Variants in GABBR2 observed in about 807,000 individuals in gnomAD.
GABBR2 encodes gamma-aminobutyric acid type B receptor subunit 2.
In GABBR2, 23 loss-of-function variants were observed where a neutral mutation model predicts 105.6. That is an observed-to-expected ratio of 0.22 (90% CI 0.16 to 0.31). The LOEUF (loss-of-function observed/expected upper bound fraction) is 0.31, where lower values mean the gene tolerates loss of function less well. Among genes scored for constraint, GABBR2 ranks in the 10% least tolerant of loss-of-function variants. The pLI is 1.00. For synonymous variants in GABBR2, 478 were observed against 499.7 expected, an observed-to-expected ratio of 0.96 and a Z score of 0.58; for missense variants, 734 against 1,245.5, an observed-to-expected ratio of 0.59 and a Z score of 6.18.
At chr9:98,482,401 G>A (rs1564087298) in intron 4 of GABBR2, among the ~76,000 whole-genome samples, 1 of 152,190 alleles carries the variant, frequency 6.6e-6, no homozygotes, top group Non-Finnish European at 1.5e-5. Context: ...TGGAAGGAAG[G>A]CAAGCCTTTG....
intron 2 of GABBR2, among the ~76,000 whole-genome samples, chr9:98,554,578 C>T (rs978183667): frequency 3.3e-5 from 5 of 152,072 alleles, no homozygotes; most frequent in Admixed American, 2.6e-4. Context: ...TACATAAGCA[C>T]GTTAGATACT....
chr9:98,625,155 G>C (rs940375090), intron 1 of GABBR2, among the ~76,000 whole-genome samples: 1 of 152,164 alleles, frequency 6.6e-6, no homozygotes, highest in East Asian at 1.9e-4. Context: ...CCCACAAAGG[G>C]GGCTATAACC....
chr9:98,361,609 G>A (rs773701025), intron 13 of GABBR2, among the ~76,000 whole-genome samples: 23 of 152,142 alleles, frequency 1.5e-4, no homozygotes, highest in South Asian at 4.1e-4. Flanking sequence ...ATGTCCCCCC[G>A]TCCAAAAATA....
intron 7 of GABBR2, among the ~76,000 whole-genome samples, chr9:98,441,302 A>T (rs1314342842): frequency 6.7e-6 from 1 of 149,220 alleles, no homozygotes; most frequent in Admixed American, 6.8e-5. Flanking sequence ...GCTAAATAAA[A>T]TAAGCTCTCC....
rs35672692 is a variant in GABBR2 at position 98,289,636 on chromosome 9, GAA to G, written c.*946_*947del. 0.058 allele frequency: 8,202 copies of G among 142,472 alleles called. 346 individuals carry two copies. Among genetic ancestry groups the G allele is most frequent in the Middle Eastern group, 0.1 (28 of 274 alleles). 8.8% of individuals were successfully genotyped at this position (142,472 alleles called of 1,614,324 possible). ...CTTTGGTCAGAAACAAAGTTAGTGG[GAA>G]AAAAAAAAAAAAAATCCCAGCCAGC... is the stretch of plus-strand genomic sequence containing the variant. On this transcript the variant is annotated 3_prime_UTR_variant, in exon 19 of 19. Transcript: ENST00000259455.
At chr9:98,675,748 C>T (rs1830469117) in intron 1 of GABBR2, among the ~76,000 whole-genome samples, 1 of 152,130 alleles carries the variant, frequency 6.6e-6, no homozygotes, top group African/African-American at 2.4e-5. Flanking sequence ...TAAAGATCAG[C>T]ACTGGATATC....
intron 13 of GABBR2, among the ~76,000 whole-genome samples, chr9:98,360,790 G>A (rs1051511189): frequency 6.6e-6 from 1 of 152,174 alleles, no homozygotes; most frequent in African/African-American, 2.4e-5. Context: ...CACTTCCAGA[G>A]TCTGTTGACT....
chr9:98,503,274 A>T (rs1387805572), intron 3 of GABBR2, among the ~76,000 whole-genome samples: 3 of 152,152 alleles, frequency 2.0e-5, no homozygotes, highest in Admixed American at 6.5e-5. Context: ...CTTAATGCAG[A>T]GCCTAAAGCA....
Position 98,418,460 on chromosome 9 carries a change from A to C in GABBR2, c.1237-12319T>G, listed in dbSNP as rs551846880. Among the ~76,000 whole-genome samples the C allele has an allele frequency of 3.3e-4, 50 of 152,236 alleles. No individual in the cohort carries two copies. In the South Asian group the frequency reaches 9.2e-3, roughly 28 times the overall value. On this transcript the variant is annotated intron_variant, in intron 7 of 18. Transcript: ENST00000259455. ...TGAGGTGAGAGGATTGTTTAAGCCTAGGAGGTCAGGGCTGCAGTGAGCTAT... is the reference window on the plus strand; with the variant it reads ...TGAGGTGAGAGGATTGTTTAAGCCTCGGAGGTCAGGGCTGCAGTGAGCTAT...
In GABBR2 at chr9:98,473,264, T is replaced by C. The variant is rs753441586; in HGVS notation, c.881A>G (p.His294Arg). 6.2e-6 allele frequency: 10 copies of C among 1,613,422 alleles called. No individual in the cohort carries two copies. The East Asian group carries it at 2.2e-4, about 36-fold the overall frequency. ...GCAGCGGGATGAGTTGGCTTCCGTGTGCACCTGCTCCCACCAAGAAGGCTC... is the reference window on the plus strand; with the variant it reads ...GCAGCGGGATGAGTTGGCTTCCGTGCGCACCTGCTCCCACCAAGAAGGCTC... ...WYEPSWWEQV[H>R]TEANSSRCLR... The change falls in exon 6 of 19, where the codon CAC becomes CGC. Residue 294 changes from histidine (H) to arginine (R), a missense_variant. Coordinates refer to ENST00000259455, the MANE Select transcript of GABBR2 (RefSeq NM_005458.8).
intron 14 of GABBR2, 52 bp downstream of exon 14, chr9:98,311,043 G>A (rs368754840): frequency 4.1e-6 from 4 of 966,242 alleles, no homozygotes; most frequent in Non-Finnish European, 5.0e-6. Flanking sequence ...GGGAGACAGA[G>A]GCCCAACAAA....
At chr9:98,362,308 A>G (rs1241984471) in intron 13 of GABBR2, among the ~76,000 whole-genome samples, 1 of 152,242 alleles carries the variant, frequency 6.6e-6, no homozygotes, top group Non-Finnish European at 1.5e-5. Flanking sequence ...AAAGAAATAT[A>G]TTGCCCATCA....
chr9:98,464,380 A>G (rs1357350760), intron 6 of GABBR2, among the ~76,000 whole-genome samples: 3 of 146,820 alleles, frequency 2.0e-5, no homozygotes, highest in Non-Finnish European at 4.5e-5. Flanking sequence ...GGAAGTGAGG[A>G]GCGCCTCTGC....
chr9:98,371,332 T>C (rs889508705), intron 12 of GABBR2, 132 bp downstream of exon 12: 2 of 623,706 alleles, frequency 3.2e-6, no homozygotes, highest in Admixed American at 2.6e-5. Flanking sequence ...AGGGTGAAGG[T>C]GGCAGGAGGT....
chr9:98,521,654 C>T (rs1827868547), intron 3 of GABBR2, among the ~76,000 whole-genome samples: 1 of 152,186 alleles, frequency 6.6e-6, no homozygotes, highest in South Asian at 2.1e-4. Context: ...GAAAGGCCCA[C>T]ACCACCAAAT....
At chr9:98,479,786 C>T (rs994393078) in intron 5 of GABBR2, among the ~76,000 whole-genome samples, 1 of 152,194 alleles carries the variant, frequency 6.6e-6, no homozygotes. Flanking sequence ...CTCTCTGGCA[C>T]TGTGCTCATG....
intron 13 of GABBR2, among the ~76,000 whole-genome samples, chr9:98,336,532 C>T (rs182294294): frequency 4.5e-4 from 69 of 152,134 alleles, no homozygotes; most frequent in Non-Finnish European, 7.6e-4. Flanking sequence ...GGTGAAACCC[C>T]GTCTCTACTA....
chr9:98,497,356 G>A (rs1827302173), intron 3 of GABBR2, among the ~76,000 whole-genome samples: 1 of 151,992 alleles, frequency 6.6e-6, no homozygotes, highest in African/African-American at 2.4e-5. Context: ...ATTTTTGAGG[G>A]GAGAAATCAG....
intron 1 of GABBR2, among the ~76,000 whole-genome samples, chr9:98,601,109 CAAT>C (rs147938887): frequency 0.03 from 4,583 of 152,346 alleles, 77 homozygotes; most frequent in East Asian, 0.056. Context: ...ACTTCTACAA[CAAT>C]AACAGTGCTG....
Sources: gnomAD v4.1 joint callset for allele counts (sites outside exome capture counted in the v4.1 genomes callset) on GRCh38, gnomAD v4.1.1 for gene constraint, MANE v1.5 for transcripts, NCBI Gene and HGNC (gene_info 2026-07-23, HGNC 2026-07-21) for gene names.